MACROD2: variants seen among roughly 807,000 people sequenced by gnomAD.
MACROD2 encodes ADP-ribose glycohydrolase MACROD2.
A neutral mutation model predicts 70.4 loss-of-function variants in MACROD2; 36 were observed. That is an observed-to-expected ratio of 0.51 (90% CI 0.39 to 0.68). The LOEUF (loss-of-function observed/expected upper bound fraction) is 0.68, where lower values mean the gene tolerates loss of function less well. Among genes scored for constraint, MACROD2 ranks in the 30% least tolerant of loss-of-function variants. MACROD2 has a pLI of 0.00. For missense variants in MACROD2, 496 were observed against 538.4 expected (o/e 0.92, Z 0.78); for synonymous variants, 172 against 178.8 (o/e 0.96, Z 0.30).
intron 8 of MACROD2, among the ~76,000 whole-genome samples, chr20:15,767,855 T>A (rs2051552766): frequency 6.6e-6 from 1 of 152,210 alleles, no homozygotes; most frequent in South Asian, 2.1e-4. Flanking sequence ...TCTCTGCTAA[T>A]CCCTTTAACC....
chr20:15,185,343 G>A (rs1050155935), intron 5 of MACROD2, among the ~76,000 whole-genome samples: 9 of 152,176 alleles, frequency 5.9e-5, no homozygotes, highest in Middle Eastern at 3.4e-3. Flanking sequence ...CTGATGCCTC[G>A]AAATGTCTAT....
intron 5 of MACROD2, among the ~76,000 whole-genome samples, chr20:14,931,861 T>C (rs1286334990): frequency 1.3e-5 from 2 of 151,126 alleles, no homozygotes; most frequent in African/African-American, 4.9e-5. Context: ...CTGGGTGTGA[T>C]GACACATGCA....
In MACROD2 at chr20:13,995,850, G is replaced by GGGGT; in HGVS notation, c.46+41_46+42insGGGT. 3 of 505,078 alleles carry GGGGT rather than the reference G, an allele frequency of 5.9e-6. No homozygotes were observed. Among genetic ancestry groups the GGGGT allele is most frequent in the East Asian group, 6.3e-5 (1 of 15,812 alleles). 31.3% of individuals were successfully genotyped at this position (505,078 alleles called of 1,614,324 possible). A position where few individuals can be genotyped will look rare whatever the true frequency, so the allele number is the denominator to read the frequency against. ...AGTCCTGGGGGTGCGGGCGGTGGGG[G>GGGGT]TTAGGGTGGGGGCGGGGGTCAGGCT... On this transcript the variant is annotated intron_variant, in intron 1 of 17. Transcript: ENST00000684519. The surrounding 1 kb of genome is among the most constrained non-coding windows in gnomAD (Gnocchi z 4.3).
intron 4 of MACROD2, among the ~76,000 whole-genome samples, chr20:14,624,943 C>T (rs181358460): frequency 6.6e-6 from 1 of 152,272 alleles, no homozygotes; most frequent in East Asian, 1.9e-4. Context: ...GAGGTTTGCA[C>T]ATTGCACCTT....
At chr20:14,598,314 T>G (rs1329460284) in intron 4 of MACROD2, among the ~76,000 whole-genome samples, 2 of 152,176 alleles carry the variant, frequency 1.3e-5, no homozygotes, top group Admixed American at 1.3e-4. Flanking sequence ...TATATTTTTA[T>G]ATTTGCAGTA....
At chr20:15,160,233 C>T (rs1344797137) in intron 5 of MACROD2, among the ~76,000 whole-genome samples, 1 of 151,922 alleles carries the variant, frequency 6.6e-6, no homozygotes, top group African/African-American at 2.4e-5. Context: ...AGAAGAGAAA[C>T]CCCCAAGCTT....
chr20:15,557,882 A>G (rs1326788595), intron 8 of MACROD2, among the ~76,000 whole-genome samples: 1 of 152,150 alleles, frequency 6.6e-6, no homozygotes, highest in Non-Finnish European at 1.5e-5. Context: ...ATCCCCAGCC[A>G]TGTTATGTAG....
chr20:14,902,509 C>T (rs1452219324), intron 5 of MACROD2, among the ~76,000 whole-genome samples: 1 of 152,168 alleles, frequency 6.6e-6, no homozygotes, highest in Non-Finnish European at 1.5e-5. Flanking sequence ...TTACCCTCCC[C>T]ATACCACACG....
chr20:15,787,250 G>A (rs947290096), intron 8 of MACROD2, among the ~76,000 whole-genome samples: 3 of 152,164 alleles, frequency 2.0e-5, no homozygotes, highest in African/African-American at 7.2e-5. Flanking sequence ...GGGATTACAG[G>A]CCGAAGAAAC....
intron 8 of MACROD2, among the ~76,000 whole-genome samples, chr20:15,797,961 A>G (rs1056399369): frequency 2.0e-5 from 3 of 152,212 alleles, no homozygotes; most frequent in African/African-American, 4.8e-5. Context: ...AAAGAGTCAT[A>G]TAGTAAATAT....
chr20:14,681,892 G>A (rs377021758), intron 4 of MACROD2, among the ~76,000 whole-genome samples: 192 of 152,264 alleles, frequency 1.3e-3, no homozygotes, highest in African/African-American at 4.2e-3. Flanking sequence ...GAATCACGTC[G>A]TGAGTACTTT....
chr20:15,405,668 T>C (rs2045990423), intron 6 of MACROD2, among the ~76,000 whole-genome samples: 2 of 152,180 alleles, frequency 1.3e-5, no homozygotes, highest in Admixed American at 6.5e-5. Flanking sequence ...CCTGTCTCGT[T>C]AATTCCTCCC....
At chr20:15,134,530 A>G (rs1361098591) in intron 5 of MACROD2, among the ~76,000 whole-genome samples, 3 of 152,102 alleles carry the variant, frequency 2.0e-5, no homozygotes, top group African/African-American at 7.2e-5. Flanking sequence ...GAGAACACAG[A>G]CACAACATAC....
intron 8 of MACROD2, among the ~76,000 whole-genome samples, chr20:15,671,604 C>T (rs894178823): frequency 6.6e-6 from 1 of 152,174 alleles, no homozygotes; most frequent in African/African-American, 2.4e-5. Flanking sequence ...TCTAGAGCCC[C>T]CTCCAGCTTT....
chr20:14,327,566 G>A (rs937468423), intron 3 of MACROD2: 413 of 1,510,634 alleles, frequency 2.7e-4, no homozygotes, highest in Non-Finnish European at 3.6e-4. Flanking sequence ...ACCCTAAAAT[G>A]AAGTGAGTAA....
At chr20:15,612,731 G>C (rs1056148949) in intron 8 of MACROD2, among the ~76,000 whole-genome samples, 1 of 152,116 alleles carries the variant, frequency 6.6e-6, no homozygotes, top group African/African-American at 2.4e-5. Flanking sequence ...TTTTTAAAAT[G>C]GTCTGTAGAA....
intron 6 of MACROD2, among the ~76,000 whole-genome samples, chr20:15,261,934 T>G (rs1249379480): frequency 6.6e-6 from 1 of 151,944 alleles, no homozygotes; most frequent in East Asian, 1.9e-4. Flanking sequence ...ACATGGTAGG[T>G]GTATATTTTT....
chr20:14,579,127 C>CTTTTTTTTTT (rs71190141), intron 4 of MACROD2, among the ~76,000 whole-genome samples: 1 of 74,350 alleles, frequency 1.3e-5, no homozygotes, highest in Non-Finnish European at 2.3e-5. Context: ...GTATCCAATT[C>CTTTTTTTTTT]TTTTTTTTTT....
intron 6 of MACROD2, among the ~76,000 whole-genome samples, chr20:15,249,489 G>A (rs2077135450): frequency 6.6e-6 from 1 of 152,146 alleles, no homozygotes; most frequent in South Asian, 2.1e-4. Flanking sequence ...AGAGATCTTA[G>A]AGGCTCCTCA....
Sources: allele counts gnomAD v4.1 joint callset (sites outside exome capture counted in the v4.1 genomes callset), GRCh38; gene constraint gnomAD v4.1.1; non-coding constraint Gnocchi (gnomAD v3.1); transcripts MANE v1.5; gene names NCBI Gene and HGNC (gene_info 2026-07-23, HGNC 2026-07-21).